The following SLC1A1 variants were observed in gnomAD, a reference collection of about 807,000 sequenced individuals.
SLC1A1 encodes solute carrier family 1 member 1, also known as excitatory amino acid transporter 3.
SLC1A1 carries 43 observed loss-of-function variants against 53.3 expected under a neutral mutation model. The ratio of observed to expected loss-of-function variants is 0.81; its 90% CI spans 0.63 to 1.04. The LOEUF (loss-of-function observed/expected upper bound fraction) is 1.04. Among genes scored for constraint, SLC1A1 ranks in the 50% least tolerant of loss-of-function variants. The pLI, the probability that SLC1A1 is intolerant of heterozygous loss-of-function variation, is 0.00. For missense variants in SLC1A1, 748 were observed against 664.9 expected, an observed-to-expected ratio of 1.12 and a Z score of -1.37; for synonymous variants, 307 against 243.2, an observed-to-expected ratio of 1.26 and a Z score of -2.44.
chr9:4,534,530 A>C (rs1041207431), intron 1 of SLC1A1, among the ~76,000 whole-genome samples: 4 of 152,156 alleles, frequency 2.6e-5, no homozygotes, highest in African/African-American at 9.7e-5. Flanking sequence ...TGAATCTCTG[A>C]ATAGACCAAT....
At chr9:4,551,631 T>TGTTTC (rs1817938325) in intron 2 of SLC1A1, among the ~76,000 whole-genome samples, 1 of 152,220 alleles carries the variant, frequency 6.6e-6, no homozygotes, top group South Asian at 2.1e-4. Flanking sequence ...TGGTGGTCCA[T>TGTTTC]TATACAGTTT....
At chr9:4,529,764 C>T (rs957233762) in intron 1 of SLC1A1, among the ~76,000 whole-genome samples, 4 of 152,134 alleles carry the variant, frequency 2.6e-5, no homozygotes, top group African/African-American at 7.2e-5. Flanking sequence ...TCCTGGGCTC[C>T]CACCTTGGCT....
At chr9:4,535,315 C>T (rs960003896) in intron 1 of SLC1A1, among the ~76,000 whole-genome samples, 2 of 152,144 alleles carry the variant, frequency 1.3e-5, no homozygotes, top group African/African-American at 2.4e-5. Context: ...ACCCCATTGT[C>T]TCAGCCCAAA....
At chr9:4,573,880 C>A in intron 7 of SLC1A1, 27 bp from the exon 8 acceptor site, 2 of 1,472,800 alleles carry the variant, frequency 1.4e-6, no homozygotes, top group South Asian at 1.1e-5. Flanking sequence ...ATGACGGAAT[C>A]ACGCCTCTGT....
chr9:4,550,755 A>T (rs1298289334), intron 2 of SLC1A1, among the ~76,000 whole-genome samples: 1 of 152,208 alleles, frequency 6.6e-6, no homozygotes, highest in Non-Finnish European at 1.5e-5. Context: ...AGTATTTATT[A>T]AACAACAGCC....
At chr9:4,535,860 G>T (rs1162131073) in intron 1 of SLC1A1, among the ~76,000 whole-genome samples, 1 of 152,034 alleles carries the variant, frequency 6.6e-6, no homozygotes, top group Non-Finnish European at 1.5e-5. Context: ...CCAAAACAGA[G>T]ATATAGACCA....
chr9:4,574,134 T>G (rs1586839463), intron 8 of SLC1A1, 120 bp downstream of exon 8: 1 of 759,598 alleles, frequency 1.3e-6, no homozygotes, highest in East Asian at 2.5e-5. Flanking sequence ...AAAGATAGGG[T>G]TCAGAGATAA....
Position 4,517,748 on chromosome 9 carries a change from A to G in SLC1A1, c.92-26819A>G, listed in dbSNP as rs1032175416. ...CTAGATTTTTAGTTTCTCTTTAAAA[A>G]TTCAGGAGAAAAGGCCACCATGGAC... On this transcript the variant is annotated intron_variant, in intron 1 of 11. Coordinates refer to ENST00000262352, the MANE Select transcript of SLC1A1 (RefSeq NM_004170.6). Among the ~76,000 whole-genome samples the G allele has an allele frequency of 5.9e-5, 9 of 152,146 alleles. No individual in the cohort carries two copies. The East Asian group carries it at 1.7e-3, about 29-fold the overall frequency.
intron 1 of SLC1A1, among the ~76,000 whole-genome samples, chr9:4,515,611 A>AACATCAGTGTGAAAC (rs148553566): frequency 2.8e-5 from 4 of 143,530 alleles, no homozygotes; most frequent in African/African-American, 1.2e-4. Context: ...GATGAACATC[A>AACATCAGTGTGAAAC]ACAATGTCAA....
chr9:4,527,965 C>G (rs997816730), intron 1 of SLC1A1, among the ~76,000 whole-genome samples: 1 of 152,016 alleles, frequency 6.6e-6, no homozygotes, highest in Non-Finnish European at 1.5e-5. Flanking sequence ...GAAAGAATAC[C>G]CACCTCTTGT....
Position 4,533,869 on chromosome 9 carries a change from A to G in SLC1A1, c.92-10698A>G, listed in dbSNP as rs1234798972. On this transcript the variant is annotated intron_variant, in intron 1 of 11. Coordinates refer to ENST00000262352, the MANE Select transcript of SLC1A1 (RefSeq NM_004170.6). ...ATTATAACAAACTGTCTCTCAGACCACAGTGCAATCAAACTAGAACTCAGG... is the reference window on the plus strand; with the variant it reads ...ATTATAACAAACTGTCTCTCAGACCGCAGTGCAATCAAACTAGAACTCAGG... Among the ~76,000 whole-genome samples, 10 of 152,206 alleles carry G rather than the reference A, an allele frequency of 6.6e-5. No individual in the cohort carries two copies. The East Asian group carries it at 1.7e-3, about 26-fold the overall frequency.
intron 1 of SLC1A1, among the ~76,000 whole-genome samples, chr9:4,534,485 A>G (rs1474754850): frequency 6.6e-6 from 1 of 152,212 alleles, no homozygotes; most frequent in Non-Finnish European, 1.5e-5. Flanking sequence ...ATTCCTGGAC[A>G]CATACACCCT....
chr9:4,521,057 C>T (rs546072794), intron 1 of SLC1A1, among the ~76,000 whole-genome samples: 1 of 152,122 alleles, frequency 6.6e-6, no homozygotes, highest in South Asian at 2.1e-4. Context: ...GCTTACTGTC[C>T]ATTTGTATAT....
In SLC1A1 at chr9:4,556,943, G is replaced by GTC. The variant is rs1818454586; in HGVS notation, c.233-4505_233-4504insCT. Among the ~76,000 whole-genome samples the GTC allele has an allele frequency of 1.3e-5, 2 of 152,142 alleles. No individual in the cohort carries two copies. The highest frequency in any genetic ancestry group is 4.8e-5 in the African/African-American group (2 of 41,426). On this transcript the variant is annotated intron_variant, in intron 2 of 11. Transcript: ENST00000262352. This position sits in a 1 kb window ranked among gnomAD's most constrained non-coding sequence, Gnocchi z 4.1. ...ACAACAACAACAACAATAAAACAAG[G>GTC]TTGAAAAAGACTGAGATGTTACATG...
intron 2 of SLC1A1, among the ~76,000 whole-genome samples, chr9:4,551,012 C>T (rs1222124186): frequency 6.6e-6 from 1 of 152,198 alleles, no homozygotes; most frequent in Non-Finnish European, 1.5e-5. Context: ...TAGACTCTGA[C>T]ACTCCAGATG....
At chr9:4,572,788 A>G (rs1820182081) in intron 7 of SLC1A1, among the ~76,000 whole-genome samples, 1 of 152,100 alleles carries the variant, frequency 6.6e-6, no homozygotes, top group African/African-American at 2.4e-5. Flanking sequence ...GGCTCAAGCA[A>G]TCTACCCACT....
chr9:4,583,189 G>T lies in SLC1A1; in HGVS notation c.1328+17G>T. 6.2e-7 allele frequency: 1 copy of T among 1,614,176 alleles called. No homozygotes were observed. The highest frequency in any genetic ancestry group is 8.5e-7 in the Non-Finnish European group (1 of 1,180,022). ...CTGGCTCCTGTGAGTTGGAATAAATGCACTGCCTTAGCTGGATGTGCAGGC... is the reference window on the plus strand; with the variant it reads ...CTGGCTCCTGTGAGTTGGAATAAATTCACTGCCTTAGCTGGATGTGCAGGC... On this transcript the variant is annotated intron_variant, in intron 11 of 11. Transcript: ENST00000262352. This position sits in a 1 kb window ranked among gnomAD's most constrained non-coding sequence, Gnocchi z 4.6.
intron 1 of SLC1A1, among the ~76,000 whole-genome samples, chr9:4,534,779 C>T (rs772269087): frequency 1.3e-5 from 2 of 152,062 alleles, no homozygotes; most frequent in South Asian, 4.2e-4. Context: ...GACCAATATC[C>T]CTGATGAACA....
At chr9:4,544,266 AT>A (rs998292143) in intron 1 of SLC1A1, among the ~76,000 whole-genome samples, 5 of 152,096 alleles carry the variant, frequency 3.3e-5, no homozygotes, top group African/African-American at 7.2e-5. Flanking sequence ...GACTAAGATG[AT>A]TTTTTTTCTC....
Sources: allele counts gnomAD v4.1 joint callset (sites outside exome capture counted in the v4.1 genomes callset), GRCh38; gene constraint gnomAD v4.1.1; non-coding constraint Gnocchi (gnomAD v3.1); transcripts MANE v1.5; gene names NCBI Gene and HGNC (gene_info 2026-07-23, HGNC 2026-07-21).